Variants in PUDP observed in about 807,000 individuals in gnomAD.
PUDP encodes the protein pseudouridine-5'-phosphatase.
A neutral mutation model predicts 9.4 loss-of-function variants in PUDP; 8 were observed. The observed-to-expected ratio is 0.85, with a 90% CI of 0.50 to 1.53. The LOEUF is 1.53. Among genes scored for constraint, PUDP ranks in the 40% most tolerant of loss-of-function variants. The pLI is 0.00. For missense variants in PUDP, 188 were observed against 189.7 expected (o/e 0.99, Z 0.05); for synonymous variants, 99 against 80.7 (o/e 1.23, Z -1.22).
chrX:6,892,607 T>C (rs1398032721), intron 3 of PUDP, among the ~76,000 whole-genome samples: 3 of 111,149 alleles, frequency 2.7e-5, no homozygotes, highest in Admixed American at 1.9e-4. Flanking sequence ...CACATGCGAA[T>C]TGTGGGAGTT....
At chrX:7,009,791 A>C (rs544801314) in intron 1 of PUDP, among the ~76,000 whole-genome samples, 53 of 111,399 alleles carry the variant, frequency 4.8e-4, no homozygotes, top group African/African-American at 1.6e-3. Context: ...CATATGTAAC[A>C]AACCTGCATG....
intron 3 of PUDP, among the ~76,000 whole-genome samples, chrX:6,886,098 A>C: frequency 8.9e-6 from 1 of 112,279 alleles, no homozygotes; most frequent in East Asian, 2.8e-4. Flanking sequence ...CTGTAAAATA[A>C]ACAGCTCTCC....
intron 3 of PUDP, among the ~76,000 whole-genome samples, chrX:6,736,367 G>T (rs756598200): frequency 8.9e-6 from 1 of 111,809 alleles, no homozygotes. Context: ...ACCAGGAAAG[G>T]TTACTTTATA....
intron 3 of PUDP, among the ~76,000 whole-genome samples, chrX:6,856,655 A>T (rs1361977503): frequency 2.7e-5 from 3 of 111,784 alleles, no homozygotes; most frequent in African/African-American, 9.8e-5. Flanking sequence ...TGGGGTTCTG[A>T]CACCTTGCAT....
chrX:6,952,254 T>G (rs1928568666), intron 3 of PUDP, among the ~76,000 whole-genome samples: 1 of 112,222 alleles, frequency 8.9e-6, no homozygotes, highest in Non-Finnish European at 1.9e-5. Flanking sequence ...TAGTAATTTT[T>G]TTAGAGTAAA....
At chrX:6,804,333 A>C (rs1926013364) in intron 3 of PUDP, among the ~76,000 whole-genome samples, 3 of 112,039 alleles carry the variant, frequency 2.7e-5, no homozygotes, top group African/African-American at 9.7e-5. Flanking sequence ...GAGGGAGCAC[A>C]AACCTGAAAC....
intron 3 of PUDP, among the ~76,000 whole-genome samples, chrX:6,895,737 G>A (rs1192016932): frequency 9.0e-6 from 1 of 111,351 alleles, no homozygotes; most frequent in Non-Finnish European, 1.9e-5. Context: ...GTCCATTTGG[G>A]CTGCTATAAT....
At chrX:6,791,278 C>T (rs1395026324) in intron 3 of PUDP, among the ~76,000 whole-genome samples, 1 of 91,751 alleles carries the variant, frequency 1.1e-5, no homozygotes, top group African/African-American at 4.3e-5. Context: ...GTGCTTGAGC[C>T]AGGGAGGTTG....
chrX:6,721,687 T>A (rs966224703), upstream of PUDP: 5 of 112,160 alleles, frequency 4.5e-5, no homozygotes, highest in African/African-American at 1.6e-4. Context: ...ATGTAACAAA[T>A]GGATAGGTGC....
intron 3 of PUDP, among the ~76,000 whole-genome samples, chrX:6,884,937 T>C (rs1214495709): frequency 2.7e-5 from 3 of 111,943 alleles, no homozygotes; most frequent in African/African-American, 9.7e-5. Context: ...CAGACTGAGA[T>C]GGCATTAAGT....
At chrX:6,977,649 C>A (rs764843666) in intron 2 of PUDP, among the ~76,000 whole-genome samples, 18 of 112,016 alleles carry the variant, frequency 1.6e-4, no homozygotes, top group Admixed American at 2.8e-4. Context: ...CCACCTGGGA[C>A]CTCTGCTTAG....
At chrX:7,134,140 G>C (rs1932686199) in intron 1 of PUDP, among the ~76,000 whole-genome samples, 1 of 112,344 alleles carries the variant, frequency 8.9e-6, no homozygotes, top group Admixed American at 9.4e-5. Context: ...CAGTAAGTAA[G>C]TTGTCAATGA....
At position 6,758,131 on chromosome X, in the gene PUDP, AT is replaced by A. The variant is rs560047434; in HGVS notation, c.*248-51666del. Among the ~76,000 whole-genome samples the A allele has an allele frequency of 3.6e-5, 4 of 112,255 alleles. No homozygotes were observed. The South Asian group carries it at 1.5e-3, about 42-fold the overall frequency. ...TTCTCAGAGAAATATCTTCAAAAAA[AT>A]ATATCAGTGTCAAGCTACCTTGGTT... On this transcript the variant is annotated intron_variant and NMD_transcript_variant, in intron 3 of 3. Coordinates refer to the PUDP transcript ENST00000655425.
intron 3 of PUDP, among the ~76,000 whole-genome samples, chrX:6,962,493 T>C (rs1042329460): frequency 1.8e-5 from 2 of 112,112 alleles, no homozygotes; most frequent in African/African-American, 6.5e-5. Flanking sequence ...CATGAACTCA[T>C]TTTCTATATA....
At chrX:6,764,250 A>ACAC (rs1374687426) in intron 3 of PUDP, among the ~76,000 whole-genome samples, 2 of 111,745 alleles carry the variant, frequency 1.8e-5, no homozygotes, top group Non-Finnish European at 3.8e-5. Context: ...AAAGCAGAAG[A>ACAC]CACCCCATCG....
chrX:6,971,311 G>A (rs570310984), intron 3 of PUDP, among the ~76,000 whole-genome samples: 4 of 111,486 alleles, frequency 3.6e-5, no homozygotes, highest in East Asian at 5.6e-4. Context: ...GTCAGGTAGC[G>A]TGATGCCTCC....
chrX:6,835,775 C>G (rs971347882), intron 3 of PUDP, among the ~76,000 whole-genome samples: 2 of 111,308 alleles, frequency 1.8e-5, no homozygotes, highest in Non-Finnish European at 3.8e-5. Context: ...TACAGTGGTG[C>G]GATCTCAGCT....
At chrX:6,878,605 G>A (rs1444720398) in intron 3 of PUDP, among the ~76,000 whole-genome samples, 7 of 111,849 alleles carry the variant, frequency 6.3e-5, no homozygotes, top group African/African-American at 9.7e-5. Context: ...TGATCCTCCC[G>A]CCTTGGCCTC....
At chrX:6,950,476 T>C (rs188078296) in intron 3 of PUDP, among the ~76,000 whole-genome samples, 29 of 90,730 alleles carry the variant, frequency 3.2e-4, no homozygotes, top group African/African-American at 1.2e-3. Flanking sequence ...AGTGGTGTGA[T>C]CTCGGCTCAC....
Sources: allele counts gnomAD v4.1 joint callset (sites outside exome capture counted in the v4.1 genomes callset), GRCh38; gene constraint gnomAD v4.1.1; transcripts MANE v1.5; gene names NCBI Gene and HGNC (gene_info 2026-07-23, HGNC 2026-07-21).